Variants in LTBP1 observed in about 807,000 individuals in gnomAD.
LTBP1 encodes latent-transforming growth factor beta-binding protein 1.
LTBP1 carries 129 observed loss-of-function variants against 207.6 expected under a neutral mutation model. The ratio of observed to expected loss-of-function variants is 0.62; its 90% confidence interval spans 0.54 to 0.72. LTBP1 has a LOEUF of 0.72. Ranked by LOEUF, LTBP1 falls within the 30% of genes least tolerant of loss-of-function variation. The pLI, the probability that LTBP1 is intolerant of heterozygous loss-of-function variation, is 0.00. For synonymous variants in LTBP1, 963 were observed against 833.7 expected, an observed-to-expected ratio of 1.16 and a Z score of -2.67; for missense variants, 2,281 against 2,217.2, an observed-to-expected ratio of 1.03 and a Z score of -0.58.
At chr2:33,303,641 C>T (rs1253650544) in intron 22 of LTBP1, among the ~76,000 whole-genome samples, 7 of 152,142 alleles carry the variant, frequency 4.6e-5, no homozygotes, top group Non-Finnish European at 2.9e-5. Context: ...TGAGCCACCG[C>T]ACCTGGCCTG....
chr2:33,155,322 C>A (rs2083886022), intron 5 of LTBP1, among the ~76,000 whole-genome samples: 2 of 152,268 alleles, frequency 1.3e-5, no homozygotes, highest in African/African-American at 4.8e-5. Context: ...CCTGCCTTGG[C>A]CTCCCAAAGT....
chr2:33,213,506 A>T (rs1004258906), intron 7 of LTBP1, among the ~76,000 whole-genome samples: 1 of 152,230 alleles, frequency 6.6e-6, no homozygotes, highest in Non-Finnish European at 1.5e-5. Flanking sequence ...TGCTGATCTC[A>T]TCCTATTCCA....
intron 11 of LTBP1, among the ~76,000 whole-genome samples, chr2:33,253,517 G>C (rs542361182): frequency 6.6e-6 from 1 of 152,186 alleles, no homozygotes; most frequent in Non-Finnish European, 1.5e-5. Context: ...AAGTGGAAGA[G>C]AAAGAAATGT....
chr2:33,058,882 A>G (rs1272338324), intron 3 of LTBP1, among the ~76,000 whole-genome samples: 1 of 152,222 alleles, frequency 6.6e-6, no homozygotes, highest in Non-Finnish European at 1.5e-5. Context: ...TATGACCTGC[A>G]CGTGTTGAAA....
At chr2:33,288,436 A>T (rs911329419) in intron 19 of LTBP1, among the ~76,000 whole-genome samples, 4 of 152,218 alleles carry the variant, frequency 2.6e-5, no homozygotes, top group African/African-American at 9.6e-5. Flanking sequence ...TTACACCCCA[A>T]GGCAACGAGA....
intron 18 of LTBP1, among the ~76,000 whole-genome samples, chr2:33,277,048 C>A (rs1286246137): frequency 6.6e-6 from 1 of 152,178 alleles, no homozygotes. Flanking sequence ...CCTAATAGAT[C>A]TGGGCTCTGT....
At chr2:33,015,094 G>T (rs575959378) in intron 2 of LTBP1, among the ~76,000 whole-genome samples, 65 of 151,920 alleles carry the variant, frequency 4.3e-4, no homozygotes, top group Non-Finnish European at 7.5e-4. Context: ...TGCCCCTTGT[G>T]ATGTTCTCTT....
chr2:32,981,668 C>T (rs533668882), intron 2 of LTBP1, among the ~76,000 whole-genome samples: 1 of 152,148 alleles, frequency 6.6e-6, no homozygotes, highest in Non-Finnish European at 1.5e-5. Flanking sequence ...TGAATTGTAG[C>T]TCTCATAATT....
At chr2:33,341,238 C>T (rs949980690) in intron 24 of LTBP1, among the ~76,000 whole-genome samples, 11 of 151,970 alleles carry the variant, frequency 7.2e-5, no homozygotes, top group African/African-American at 2.4e-4. Flanking sequence ...GCAATTTTAA[C>T]ATTTTTGAAG....
chr2:33,365,559 C>A, intron 31 of LTBP1, 56 bp downstream of exon 31: 1 of 1,542,348 alleles, frequency 6.5e-7, no homozygotes, highest in Non-Finnish European at 8.9e-7. Context: ...GTTCATCTCA[C>A]CTCCTTTGTA....
chr2:33,055,656 A>C (rs2076960081), intron 3 of LTBP1, among the ~76,000 whole-genome samples: 2 of 152,172 alleles, frequency 1.3e-5, no homozygotes, highest in Non-Finnish European at 2.9e-5. Context: ...GTAGCATGAC[A>C]TCTCTCCAAG....
At chr2:33,043,349 A>G (rs914239895) in intron 3 of LTBP1, among the ~76,000 whole-genome samples, 1 of 152,134 alleles carries the variant, frequency 6.6e-6, no homozygotes, top group East Asian at 1.9e-4. Flanking sequence ...GAACCACCTC[A>G]GATAATATGT....
At chr2:33,122,512 CT>C (rs1200626120) in intron 4 of LTBP1, among the ~76,000 whole-genome samples, 3 of 152,194 alleles carry the variant, frequency 2.0e-5, no homozygotes, top group African/African-American at 7.2e-5. Flanking sequence ...GGCAGAGGCA[CT>C]TTCCCAAACA....
chr2:33,008,780 A>G (rs1687279115), intron 2 of LTBP1, among the ~76,000 whole-genome samples: 1 of 152,214 alleles, frequency 6.6e-6, no homozygotes, highest in East Asian at 1.9e-4. Flanking sequence ...GGGTAGGAGG[A>G]TAGAGGCACA....
intron 3 of LTBP1, chr2:33,056,524 A>C: frequency 1.6e-6 from 1 of 635,550 alleles, no homozygotes; most frequent in Non-Finnish European, 2.6e-6. Context: ...GGTTGCAAAA[A>C]TGTGTCCAGA....
intron 15 of LTBP1, among the ~76,000 whole-genome samples, chr2:33,266,546 A>T (rs2093183046): frequency 6.6e-6 from 1 of 152,100 alleles, no homozygotes; most frequent in Admixed American, 6.5e-5. Flanking sequence ...GGCCAATCAG[A>T]TGGTGTTTTT....
At chr2:33,314,157 T>C (rs2094228519) in intron 23 of LTBP1, among the ~76,000 whole-genome samples, 2 of 152,204 alleles carry the variant, frequency 1.3e-5, no homozygotes, top group African/African-American at 2.4e-5. Context: ...ATAGTAGTTA[T>C]TGCTTTTTGA....
intron 3 of LTBP1, among the ~76,000 whole-genome samples, chr2:33,091,322 G>A (rs2079077161): frequency 6.6e-6 from 1 of 152,100 alleles, no homozygotes; most frequent in African/African-American, 2.4e-5. Flanking sequence ...TGGTCTATGA[G>A]CAGCTTAAGC....
intron 26 of LTBP1, among the ~76,000 whole-genome samples, chr2:33,351,794 C>T (rs1334291758): frequency 1.3e-5 from 2 of 152,226 alleles, no homozygotes; most frequent in African/African-American, 2.4e-5. Context: ...CTGCATCCTC[C>T]TGCATCTTGG....
Sources: gnomAD v4.1 joint callset for allele counts (sites outside exome capture counted in the v4.1 genomes callset) on GRCh38, gnomAD v4.1.1 for gene constraint, MANE v1.5 for transcripts, NCBI Gene and HGNC (gene_info 2026-07-23, HGNC 2026-07-21) for gene names.